Variants in PDS5B observed in about 807,000 individuals in gnomAD.
PDS5B encodes the protein sister chromatid cohesion protein PDS5 homolog B.
In PDS5B, 51 loss-of-function variants were observed where a neutral mutation model predicts 184.1. The observed-to-expected ratio is 0.28, with a 90% confidence interval of 0.22 to 0.35. The LOEUF is 0.35. Ranked by LOEUF, PDS5B falls within the 10% of genes least tolerant of loss-of-function variation. The pLI, the probability that PDS5B is intolerant of heterozygous loss-of-function variation, is 1.00. For synonymous variants in PDS5B, 566 were observed against 569.2 expected (o/e 0.99, Z 0.08); for missense variants, 1,180 against 1,723.3 (o/e 0.68, Z 5.58).
intron 1 of PDS5B, among the ~76,000 whole-genome samples, chr13:32,598,109 T>C (rs975153949): frequency 6.6e-6 from 1 of 152,084 alleles, no homozygotes; most frequent in South Asian, 2.1e-4. Context: ...GGAGTCTCAC[T>C]CTGTCACCTA....
At chr13:32,697,961 T>A (rs898071343) in intron 15 of PDS5B, among the ~76,000 whole-genome samples, 2 of 152,188 alleles carry the variant, frequency 1.3e-5, no homozygotes. Context: ...GTGCTGGGAT[T>A]ACAGGTGTGA....
intron 1 of PDS5B, among the ~76,000 whole-genome samples, chr13:32,607,287 C>T (rs1395630415): frequency 6.6e-6 from 1 of 152,202 alleles, no homozygotes; most frequent in Non-Finnish European, 1.5e-5. Flanking sequence ...ACAGTCAGGA[C>T]CCTCAGCTGC....
In PDS5B at chr13:32,591,189, G is replaced by C. The variant is rs562807362; in HGVS notation, c.-20+4596G>C. Among the ~76,000 whole-genome samples the C allele has an allele frequency of 2.6e-5, 4 of 151,900 alleles. No individual in the cohort carries two copies. In the East Asian group the frequency reaches 7.8e-4, roughly 29 times the overall value. On this transcript the variant is annotated intron_variant, in intron 1 of 34. Coordinates refer to ENST00000315596, the MANE Select transcript of PDS5B (RefSeq NM_015032.4). ...CGTTGCCCAGACTGGAGTGCAGTGG[G>C]GCAATCTTGGCTCACCACAACCTCC...
chr13:32,699,895 T>C (rs775298492), intron 16 of PDS5B, 26 bp downstream of exon 16: 1 of 1,519,192 alleles, frequency 6.6e-7, no homozygotes, highest in Non-Finnish European at 8.7e-7. Flanking sequence ...AGCTGATGTT[T>C]GAAAAAGCCC....
intron 7 of PDS5B, among the ~76,000 whole-genome samples, chr13:32,671,781 G>A (rs1263559108): frequency 6.6e-6 from 1 of 152,178 alleles, no homozygotes; most frequent in African/African-American, 2.4e-5. Flanking sequence ...GAAAGCTAAA[G>A]CCTAATTAAG....
At chr13:32,714,521 C>G (rs1952309811) in intron 19 of PDS5B, among the ~76,000 whole-genome samples, 1 of 152,190 alleles carries the variant, frequency 6.6e-6, no homozygotes, top group South Asian at 2.1e-4. Flanking sequence ...TCTGTTTTAG[C>G]TCTGCAGCCT....
intron 1 of PDS5B, among the ~76,000 whole-genome samples, chr13:32,603,900 G>T (rs549917614): frequency 1.3e-5 from 2 of 152,094 alleles, no homozygotes; most frequent in Non-Finnish European, 2.9e-5. Flanking sequence ...GTATAGGAAT[G>T]CTTGTGATTT....
At position 32,673,337 on chromosome 13, in the gene PDS5B, A is replaced by C; in HGVS notation, c.827A>C (p.Gln276Pro). The change falls in exon 8 of 35, where the codon CAG (glutamine) becomes CCG (proline). Residue 276 changes from glutamine (Q) to proline (P), a missense_variant. This residue lies in a region of PDS5B where 4 missense variants were observed against 29.5 expected (regional missense o/e 0.14). Transcript: ENST00000315596. ...CATTTGCTGCTCTCTGTTTTACCCCAGCTTGAATTTAAATTAAAGGTAACT... is the reference window on the plus strand; with the variant it reads ...CATTTGCTGCTCTCTGTTTTACCCCCGCTTGAATTTAAATTAAAGGTAACT... ...DSHLLLSVLPQLEFKLKSNDN... is the reference protein window; with the variant it reads ...DSHLLLSVLPPLEFKLKSNDN... 1 of 1,609,212 alleles carries C rather than the reference A, an allele frequency of 6.2e-7. No individual in the cohort carries two copies. Among genetic ancestry groups the C allele is most frequent in the Non-Finnish European group, 8.5e-7 (1 of 1,178,130 alleles).
At chr13:32,771,513 T>C (rs1954785261) in intron 33 of PDS5B, among the ~76,000 whole-genome samples, 1 of 74,412 alleles carries the variant, frequency 1.3e-5, no homozygotes, top group Non-Finnish European at 2.6e-5. Context: ...ATCCCACCCA[T>C]ACATAATTAC....
chr13:32,757,525 T>C (rs1954226751), intron 26 of PDS5B, among the ~76,000 whole-genome samples: 1 of 151,172 alleles, frequency 6.6e-6, no homozygotes, highest in Admixed American at 6.6e-5. Flanking sequence ...TTGAATAGAG[T>C]TTTACGTAAT....
chr13:32,613,840 T>C (rs1335293454), intron 1 of PDS5B, among the ~76,000 whole-genome samples: 3 of 152,206 alleles, frequency 2.0e-5, no homozygotes, highest in Non-Finnish European at 4.4e-5. Context: ...TAAATCTCTG[T>C]TTTTGCCTCT....
chr13:32,728,147 AT>A (rs1335284349), intron 19 of PDS5B, among the ~76,000 whole-genome samples: 1 of 150,738 alleles, frequency 6.6e-6, no homozygotes, highest in African/African-American at 2.4e-5. Flanking sequence ...CTTTTTTTAT[AT>A]TTTTATATCT....
chr13:32,716,153 G>C (rs1307030462), intron 19 of PDS5B, among the ~76,000 whole-genome samples: 10 of 148,328 alleles, frequency 6.7e-5, no homozygotes, highest in Admixed American at 2.0e-4. Flanking sequence ...CCTCTGCCTG[G>C]CTGCCCAGTC....
intron 14 of PDS5B, among the ~76,000 whole-genome samples, chr13:32,695,656 T>C (rs560200542): frequency 6.6e-6 from 1 of 152,178 alleles, no homozygotes; most frequent in East Asian, 1.9e-4. Flanking sequence ...GTATAAATCA[T>C]ATGTTGAACA....
At chr13:32,746,186 A>G in intron 24 of PDS5B, 86 bp downstream of exon 24, 1 of 1,112,574 alleles carries the variant, frequency 9.0e-7, no homozygotes, top group Admixed American at 2.2e-5. Context: ...ATAGATTAAA[A>G]TCTTGAATGT....
intron 22 of PDS5B, among the ~76,000 whole-genome samples, chr13:32,742,134 T>C (rs1278509392): frequency 1.3e-5 from 2 of 152,220 alleles, no homozygotes; most frequent in Admixed American, 6.5e-5. Context: ...AGAGGTAATA[T>C]GTACTTCTTC....
intron 24 of PDS5B, among the ~76,000 whole-genome samples, chr13:32,750,261 A>G (rs1289898671): frequency 6.6e-6 from 1 of 152,206 alleles, no homozygotes; most frequent in Non-Finnish European, 1.5e-5. Flanking sequence ...GTATTGTTGC[A>G]TCCTGAATGA....
intron 30 of PDS5B, chr13:32,763,328 G>C (rs977627666): frequency 6.5e-5 from 10 of 152,686 alleles, no homozygotes; most frequent in Admixed American, 5.9e-4. Context: ...ATGTACTATA[G>C]AGGAGCTAGA....
At chr13:32,614,021 C>T (rs1331213458) in intron 1 of PDS5B, among the ~76,000 whole-genome samples, 1 of 152,128 alleles carries the variant, frequency 6.6e-6, no homozygotes, top group Non-Finnish European at 1.5e-5. Context: ...GCTTGGCATC[C>T]TTGGAAAATC....
Sources: allele counts gnomAD v4.1 joint callset (sites outside exome capture counted in the v4.1 genomes callset), GRCh38; gene constraint gnomAD v4.1.1; regional missense constraint gnomAD v4.1.1; transcripts MANE v1.5; gene names NCBI Gene and HGNC (gene_info 2026-07-23, HGNC 2026-07-21).